HECW1: variants seen among roughly 807,000 people sequenced by gnomAD.
HECW1 encodes the protein HECT, C2 and WW domain containing E3 ubiquitin protein ligase 1.
Under a neutral mutation model 182.3 loss-of-function variants are expected in HECW1, and 61 were observed. The observed-to-expected ratio is 0.33, with a 90% CI of 0.27 to 0.41. The LOEUF (loss-of-function observed/expected upper bound fraction) is 0.41, where lower values mean the gene tolerates loss of function less well. Among genes scored for constraint, HECW1 ranks in the 10% least tolerant of loss-of-function variants. The probability of loss-of-function intolerance (pLI) is 1.00; values close to 1 mark genes in which losing one functional copy is unlikely to be tolerated. For missense variants in HECW1, 1,739 were observed against 2,108.9 expected (o/e 0.82, Z 3.44); for synonymous variants, 859 against 832.6 (o/e 1.03, Z -0.55).
chr7:43,126,562 G>T lies in HECW1; in HGVS notation c.-32+12171G>T, dbSNP rs141388422. ...CCTTTAAGAAAAAATTGACCTAACT[G>T]CTGATTTATATGAAAACAAGTATAC... On this transcript the variant is annotated intron_variant, in intron 2 of 29. Coordinates refer to ENST00000395891, the MANE Select transcript of HECW1 (RefSeq NM_015052.5). Among the ~76,000 whole-genome samples, 19 of 152,192 alleles carry T rather than the reference G, an allele frequency of 1.2e-4. No homozygotes were observed. In the East Asian group the frequency reaches 3.7e-3, roughly 29 times the overall value.
intron 8 of HECW1, among the ~76,000 whole-genome samples, chr7:43,409,204 A>G (rs7350018): frequency 0.14 from 21,101 of 152,240 alleles, 1,728 homozygotes; most frequent in Non-Finnish European, 0.17. Context: ...TGAGGGAAAT[A>G]GACTTGTACT....
intron 17 of HECW1, among the ~76,000 whole-genome samples, chr7:43,482,772 G>A (rs928631996): frequency 9.2e-5 from 14 of 152,052 alleles, no homozygotes; most frequent in African/African-American, 3.1e-4. Context: ...AGATGTGGTG[G>A]CGTGCACCTG....
intron 21 of HECW1, among the ~76,000 whole-genome samples, chr7:43,502,039 C>T (rs2079383886): frequency 6.6e-6 from 1 of 152,166 alleles, no homozygotes; most frequent in Non-Finnish European, 1.5e-5. Flanking sequence ...AATATTTACT[C>T]TCTGGTCCTT....
At chr7:43,188,828 A>C (rs1165276402) in intron 2 of HECW1, among the ~76,000 whole-genome samples, 1 of 152,186 alleles carries the variant, frequency 6.6e-6, no homozygotes, top group African/African-American at 2.4e-5. Context: ...CCAACAGTAC[A>C]GTGCCTTCTG....
chr7:43,493,211 T>G, intron 19 of HECW1, 31 bp downstream of exon 19: 80 of 1,461,368 alleles, frequency 5.5e-5, no homozygotes, highest in Non-Finnish European at 7.0e-5. Context: ...CCTGGAACTC[T>G]AGGTCTTTCC....
At chr7:43,434,494 C>A (rs1420132304) in intron 8 of HECW1, among the ~76,000 whole-genome samples, 1 of 152,192 alleles carries the variant, frequency 6.6e-6, no homozygotes, top group Non-Finnish European at 1.5e-5. Context: ...TCCAAAGGTT[C>A]TTTAGAGGCT....
At chr7:43,517,249 T>C (rs1645733076) in intron 24 of HECW1, among the ~76,000 whole-genome samples, 1 of 152,178 alleles carries the variant, frequency 6.6e-6, no homozygotes, top group African/African-American at 2.4e-5. Context: ...CTTACAGTTG[T>C]CACAATCAGA....
At chr7:43,208,597 A>AT (rs1185002258) in intron 2 of HECW1, among the ~76,000 whole-genome samples, 2 of 152,108 alleles carry the variant, frequency 1.3e-5, no homozygotes, top group East Asian at 1.9e-4. Flanking sequence ...GTTTAGGGTA[A>AT]TTTTTTGTGT....
chr7:43,447,122 T>C (rs937091905), intron 11 of HECW1, among the ~76,000 whole-genome samples: 4 of 152,114 alleles, frequency 2.6e-5, no homozygotes, highest in African/African-American at 9.7e-5. Flanking sequence ...CTTTAGGCTT[T>C]GTGGGTCAAG....
chr7:43,537,923 G>A (rs1164706359), intron 24 of HECW1, among the ~76,000 whole-genome samples: 4 of 152,154 alleles, frequency 2.6e-5, no homozygotes, highest in African/African-American at 9.7e-5. Flanking sequence ...GGCAGTCTGC[G>A]CTGCAGTCCC....
chr7:43,201,294 G>T (rs1794996259), intron 2 of HECW1, among the ~76,000 whole-genome samples: 1 of 152,184 alleles, frequency 6.6e-6, no homozygotes, highest in African/African-American at 2.4e-5. Flanking sequence ...TTTGGAAGCT[G>T]GAAATGCAGA....
At chr7:43,140,786 G>A (rs1788073456) in intron 2 of HECW1, among the ~76,000 whole-genome samples, 1 of 152,168 alleles carries the variant, frequency 6.6e-6, no homozygotes, top group Non-Finnish European at 1.5e-5. Flanking sequence ...CTGGAGGCTG[G>A]AAGTCTGAGG....
intron 2 of HECW1, among the ~76,000 whole-genome samples, chr7:43,230,710 G>T (rs1422008383): frequency 6.6e-6 from 1 of 152,120 alleles, no homozygotes; most frequent in African/African-American, 2.4e-5. Flanking sequence ...TGACACATAT[G>T]TATGTATAAA....
At chr7:43,483,935 G>T (rs549115967) in intron 17 of HECW1, among the ~76,000 whole-genome samples, 1 of 152,268 alleles carries the variant, frequency 6.6e-6, no homozygotes, top group African/African-American at 2.4e-5. Context: ...GCCTGCTAGA[G>T]ACCACTGCCA....
rs1585031780 is a variant in HECW1, at chr7:43,478,707, TG to T, written c.3100-899del. 3.9e-5 allele frequency among the ~76,000 whole-genome samples: 6 copies of T among 152,220 alleles called. No homozygotes were observed. In the South Asian group the frequency reaches 1.0e-3, roughly 26 times the overall value. On this transcript the variant is annotated intron_variant, in intron 16 of 29. Transcript: ENST00000395891. ...GAAAAAATCAAAATTTTTTTTGATT[TG>T]GGGTGATTTTTATTATCTTCTTTCT...
intron 19 of HECW1, among the ~76,000 whole-genome samples, chr7:43,493,956 T>G (rs549494175): frequency 6.6e-6 from 1 of 152,208 alleles, no homozygotes; most frequent in South Asian, 2.1e-4. Flanking sequence ...TGTGTAAAGG[T>G]TAAGGCAGGG....
intron 3 of HECW1, among the ~76,000 whole-genome samples, chr7:43,246,535 T>C (rs1407321626): frequency 6.6e-6 from 1 of 152,286 alleles, no homozygotes; most frequent in Non-Finnish European, 1.5e-5. Context: ...TAGGTAATTC[T>C]GGTATGCACT....
At chr7:43,207,653 A>G (rs1795613482) in intron 2 of HECW1, 1 of 152,162 alleles carries the variant, frequency 6.6e-6, no homozygotes, top group South Asian at 2.1e-4. Flanking sequence ...GTCAGCTTCT[A>G]GTATCCTCTG....
intron 24 of HECW1, among the ~76,000 whole-genome samples, chr7:43,516,428 A>G (rs980944668): frequency 1.3e-5 from 2 of 152,238 alleles, no homozygotes; most frequent in Admixed American, 1.3e-4. Context: ...TAAAATAAAT[A>G]AAAACAGTAA....
Sources: gnomAD v4.1 joint callset for allele counts (sites outside exome capture counted in the v4.1 genomes callset) on GRCh38, gnomAD v4.1.1 for gene constraint, MANE v1.5 for transcripts, NCBI Gene and HGNC (gene_info 2026-07-23, HGNC 2026-07-21) for gene names.